STARD13: variants seen among roughly 807,000 people sequenced by gnomAD.
STARD13 encodes the protein StAR related lipid transfer domain containing 13.
In STARD13, 62 loss-of-function variants were observed where a neutral mutation model predicts 106.4. The observed-to-expected ratio is 0.58, with a 90% confidence interval of 0.48 to 0.72. The LOEUF is 0.72. STARD13 is among the 30% of genes least tolerant of loss of function. STARD13 has a pLI of 0.00. For synonymous variants in STARD13, 565 were observed against 553.0 expected, an observed-to-expected ratio of 1.02 and a Z score of -0.31; for missense variants, 1,387 against 1,424.0, an observed-to-expected ratio of 0.97 and a Z score of 0.42.
chr13:33,195,185 AC>A (rs1476799451), intron 1 of STARD13, among the ~76,000 whole-genome samples: 1 of 152,246 alleles, frequency 6.6e-6, no homozygotes, highest in African/African-American at 2.4e-5. Context: ...CTAATCTGCC[AC>A]TACTTTGGAT....
the STARD13 span, among the ~76,000 whole-genome samples, chr13:33,364,746 A>T: frequency 6.6e-6 from 1 of 152,140 alleles, no homozygotes; most frequent in East Asian, 1.9e-4. Flanking sequence ...AAAATTAGCC[A>T]GGCGTGGTGG....
At chr13:33,544,082 T>A in the STARD13 span, among the ~76,000 whole-genome samples, 1 of 152,202 alleles carries the variant, frequency 6.6e-6, no homozygotes, top group East Asian at 1.9e-4. Flanking sequence ...TACTAAATAT[T>A]TCAGTTATTA....
intron 1 of STARD13, among the ~76,000 whole-genome samples, chr13:33,233,720 T>C (rs1003996286): frequency 2.0e-5 from 3 of 151,984 alleles, no homozygotes; most frequent in Admixed American, 6.6e-5. Flanking sequence ...TTAATACAAG[T>C]CTGCAGATGG....
At chr13:33,516,937 T>C in the STARD13 span, among the ~76,000 whole-genome samples, 2 of 114,306 alleles carry the variant, frequency 1.7e-5, no homozygotes, top group African/African-American at 8.2e-5. Context: ...CAAGACCTTG[T>C]CTCAGAAAAA....
intron 1 of STARD13, among the ~76,000 whole-genome samples, chr13:33,195,847 A>G (rs1886576851): frequency 6.6e-6 from 1 of 152,110 alleles, no homozygotes; most frequent in Non-Finnish European, 1.5e-5. Context: ...CAGTTTTTTC[A>G]TCTGTAAAAT....
intron 1 of STARD13, among the ~76,000 whole-genome samples, chr13:33,174,593 GA>G (rs1173643612): frequency 6.6e-6 from 1 of 152,162 alleles, no homozygotes; most frequent in Non-Finnish European, 1.5e-5. Flanking sequence ...TGACACTGGG[GA>G]CAGAGAAACA....
At position 33,111,823 on chromosome 13, in the gene STARD13, A is replaced by C. The variant is rs1324295010; in HGVS notation, c.2562T>G (p.Ala854=). ...QKDLNENLAA[A]QGLAHMIMEC... ...CCATGATCATGTGCGCTAGCCCCTG[A>C]GCTGCTGCCAGATTCTCGTTGAGGT... is the stretch of plus-strand genomic sequence containing the variant. Residue 854 remains alanine (A), a synonymous_variant, in exon 10 of 14, where the codon GCT becomes GCG. Transcript: ENST00000336934. The C allele has an allele frequency of 2.5e-6, 4 of 1,614,124 alleles. No individual in the cohort carries two copies. Among genetic ancestry groups the C allele is most frequent in the Admixed American group, 1.7e-5 (1 of 60,014 alleles).
At chr13:33,662,155 G>T in the STARD13 span, among the ~76,000 whole-genome samples, 1 of 151,644 alleles carries the variant, frequency 6.6e-6, no homozygotes, top group Non-Finnish European at 1.5e-5. Flanking sequence ...CCAGCTACTC[G>T]GGAAGCTGAG....
At chr13:33,606,628 A>T in the STARD13 span, among the ~76,000 whole-genome samples, 2 of 152,198 alleles carry the variant, frequency 1.3e-5, no homozygotes, top group Non-Finnish European at 2.9e-5. Flanking sequence ...GATATGTAAC[A>T]TTATTATTTT....
chr13:33,620,251 C>T, the STARD13 span, among the ~76,000 whole-genome samples: 3 of 151,722 alleles, frequency 2.0e-5, no homozygotes, highest in African/African-American at 7.3e-5. Flanking sequence ...AACAGTATAC[C>T]CAACAATGCA....
chr13:33,265,104 A>G (rs950407635), intron 1 of STARD13, among the ~76,000 whole-genome samples: 7 of 152,188 alleles, frequency 4.6e-5, no homozygotes, highest in African/African-American at 1.7e-4. Context: ...GAAGCACACA[A>G]ACTCTGTTTC....
At chr13:33,603,788 T>G in the STARD13 span, among the ~76,000 whole-genome samples, 1 of 152,178 alleles carries the variant, frequency 6.6e-6, no homozygotes, top group Non-Finnish European at 1.5e-5. Context: ...CAGAAGTTGT[T>G]TTAGCCTCAG....
chr13:33,545,252 G>A, the STARD13 span, among the ~76,000 whole-genome samples: 1 of 152,132 alleles, frequency 6.6e-6, no homozygotes, highest in East Asian at 1.9e-4. Context: ...GAGCCACCGC[G>A]CCTGGCCTAA....
the STARD13 span, among the ~76,000 whole-genome samples, chr13:33,600,610 T>C: frequency 1.3e-5 from 2 of 152,186 alleles, no homozygotes; most frequent in Non-Finnish European, 2.9e-5. Context: ...CCTATTCAAT[T>C]TGTTAATATT....
At chr13:33,211,805 CTGTG>C (rs573541591) in intron 1 of STARD13, among the ~76,000 whole-genome samples, 10 of 148,606 alleles carry the variant, frequency 6.7e-5, no homozygotes, top group Admixed American at 2.0e-4. Context: ...AGAGCTGACT[CTGTG>C]TGTGTGTGTG....
At chr13:33,345,437 G>T (rs117151890), downstream of STARD13, among the ~76,000 whole-genome samples, 2,014 of 152,304 alleles carry the variant, frequency 0.013, 30 homozygotes, top group Non-Finnish European at 0.018. Context: ...AGGAGGCCAT[G>T]TGGTACAATA....
At chr13:33,245,389 T>C (rs771913162) in intron 1 of STARD13, among the ~76,000 whole-genome samples, 1 of 152,202 alleles carries the variant, frequency 6.6e-6, no homozygotes, top group Admixed American at 6.5e-5. Flanking sequence ...AAAAATATCC[T>C]GTGAATGCAA....
chr13:33,627,538 G>A, the STARD13 span, among the ~76,000 whole-genome samples: 4 of 151,980 alleles, frequency 2.6e-5, no homozygotes, highest in African/African-American at 9.6e-5. Flanking sequence ...TCAGGAGGCT[G>A]AGCCAGGAGA....
At chr13:33,571,005 C>T in the STARD13 span, among the ~76,000 whole-genome samples, 1 of 152,126 alleles carries the variant, frequency 6.6e-6, no homozygotes, top group Admixed American at 6.6e-5. Context: ...GAGTTGGAGG[C>T]ATCATGCTGC....
Sources: allele counts gnomAD v4.1 joint callset (sites outside exome capture counted in the v4.1 genomes callset), GRCh38; gene constraint gnomAD v4.1.1; transcripts MANE v1.5; gene names NCBI Gene and HGNC (gene_info 2026-07-23, HGNC 2026-07-21).